IGSF10: variants seen among roughly 807,000 people sequenced by gnomAD.
IGSF10 encodes the protein immunoglobulin superfamily member 10, also known as calvaria mechanical force protein 608.
A neutral mutation model predicts 128.2 loss-of-function variants in IGSF10; 126 were observed. The ratio of observed to expected loss-of-function variants is 0.98; its 90% CI spans 0.85 to 1.14. IGSF10 has a LOEUF of 1.14. Ranked by LOEUF, IGSF10 falls within the 50% of genes most tolerant of loss-of-function variation. The pLI is 0.00. For missense variants in IGSF10, 3,295 were observed against 3,149.8 expected (o/e 1.05, Z -1.10); for synonymous variants, 1,185 against 1,146.2 (o/e 1.03, Z -0.68).
Position 151,447,829 on chromosome 3 carries a change from TCTTA to T in IGSF10, c.2148_2151del (p.Ser716ArgfsTer8), listed in dbSNP as rs138380887. On this transcript the variant is annotated frameshift_variant, in exon 6 of 8. Transcript: ENST00000282466. LOFTEE classifies it high-confidence loss of function. ...AGTGTTAATTCCCGATAGTTGTGCCTCTTACTTGTGCTTGAGGTGTGTTTTCCAA... is the reference window on the plus strand; with the variant it reads ...AGTGTTAATTCCCGATAGTTGTGCCTCTTGTGCTTGAGGTGTGTTTTCCAA... The T allele has an allele frequency of 3.9e-4, 630 of 1,614,146 alleles. 3 individuals carry two copies. In the African/African-American group the frequency reaches 7.6e-3, roughly 20 times the overall value.
upstream of IGSF10, among the ~76,000 whole-genome samples, chr3:151,463,532 T>TTTTTG (rs1560185479): frequency 2.9e-4 from 19 of 65,248 alleles, 2 homozygotes; most frequent in Non-Finnish European, 3.9e-4. Flanking sequence ...GGTTTTTTTT[T>TTTTTG]TTTTTTTTTT....
upstream of IGSF10, among the ~76,000 whole-genome samples, chr3:151,465,426 G>A (rs1006404677): frequency 6.6e-6 from 1 of 152,196 alleles, no homozygotes; most frequent in African/African-American, 2.4e-5. Flanking sequence ...AATGCTCTGT[G>A]TTGCTTTTAT....
chr3:151,445,999 A>C lies in IGSF10; in HGVS notation c.3982T>G (p.Ser1328Ala), dbSNP rs763234993. ...GTTTGGGTTTCATAAGTGATGACAG[A>C]TGCAGGGAAGGTAGGAGTTGTTGCT... Reference protein sequence around the residue: ...IPATTPTFPASVITYETQTER... With the variant: ...IPATTPTFPAAVITYETQTER... The change falls in exon 6 of 8, where the codon TCT (serine) becomes GCT (alanine). Residue 1328 changes from serine (S) to alanine (A), a missense_variant. Ser to Ala is a moderately conservative substitution (Grantham distance 99, BLOSUM62 1). Coordinates refer to ENST00000282466, the MANE Select transcript of IGSF10 (RefSeq NM_178822.5). 2 of 1,614,198 alleles carry C rather than the reference A, an allele frequency of 1.2e-6. No individual in the cohort carries two copies. Among genetic ancestry groups the C allele is most frequent in the South Asian group, 2.2e-5 (2 of 91,088 alleles).
Position 151,436,974 on chromosome 3 carries a change from TC to T in IGSF10, c.7586del (p.Arg2529GlnfsTer62). 6.2e-7 allele frequency: 1 copy of T among 1,614,232 alleles called. No homozygotes were observed. Among genetic ancestry groups the T allele is most frequent in the Non-Finnish European group, 8.5e-7 (1 of 1,180,030 alleles). ...TACTCCTGGGTGGACGATTTGTAAT[TC>T]GGGGAGGGTAGGCTACAATCATTAC... The part of the protein sequence containing the change: ...VPVMIVAYPP[R>X]ITNRPPRSIV... On this transcript the variant is annotated frameshift_variant, in exon 8 of 8. Transcript: ENST00000282466. LOFTEE classifies it low-confidence loss of function (END_TRUNC).
At chr3:151,529,512 CA>C in the IGSF10 span, among the ~76,000 whole-genome samples, 1 of 152,172 alleles carries the variant, frequency 6.6e-6, no homozygotes, top group Non-Finnish European at 1.5e-5. Context: ...GAGGAAGGAA[CA>C]GGCAGCAATC....
the IGSF10 span, among the ~76,000 whole-genome samples, chr3:151,598,410 A>G: frequency 3.3e-5 from 5 of 152,242 alleles, no homozygotes; most frequent in South Asian, 1.0e-3. Flanking sequence ...ATATGGTAGT[A>G]CTGAAATGTT....
At chr3:151,617,259 TCTC>T in the IGSF10 span, among the ~76,000 whole-genome samples, 1 of 76,022 alleles carries the variant, frequency 1.3e-5, no homozygotes, top group East Asian at 4.7e-4. Flanking sequence ...TTCTTCTCCT[TCTC>T]TTCTTCTTCT....
In IGSF10 at chr3:151,437,104, T is replaced by G. The variant is rs141915454; in HGVS notation, c.7457A>C (p.His2486Pro). 6 of 1,614,230 alleles carry G rather than the reference T, an allele frequency of 3.7e-6. No individual in the cohort carries two copies. The Admixed American group carries it at 8.3e-5, about 22-fold the overall frequency. Reference sequence around the variant, plus strand: ...TTTAATGACTAAGGTGCCATTGTCATGCAATATGTATTTCCCATTAATTTG... The same window carrying G: ...TTTAATGACTAAGGTGCCATTGTCAGGCAATATGTATTTCCCATTAATTTG... Reference protein sequence around the residue: ...RPQINGKYILHDNGTLVIKEA... With the variant: ...RPQINGKYILPDNGTLVIKEA... The change falls in exon 8 of 8, where the codon CAT (histidine) becomes CCT (proline). Residue 2486 changes from histidine to proline, a missense_variant. Transcript: ENST00000282466.
At chr3:151,521,299 A>G in the IGSF10 span, among the ~76,000 whole-genome samples, 2 of 151,916 alleles carry the variant, frequency 1.3e-5, no homozygotes, top group African/African-American at 4.8e-5. Context: ...CACTGACAGT[A>G]TTAGATCACC....
intron 1 of IGSF10, 21 bp from the exon 2 acceptor site, chr3:151,460,368 T>TG: frequency 1.2e-6 from 1 of 809,198 alleles, no homozygotes; most frequent in Non-Finnish European, 1.5e-6. Context: ...AAAAGTTCTC[T>TG]GCTCCAAAGT....
chr3:151,579,258 G>GAT, the IGSF10 span, among the ~76,000 whole-genome samples: 1 of 151,902 alleles, frequency 6.6e-6, no homozygotes, highest in Non-Finnish European at 1.5e-5. Flanking sequence ...CCTAATTCTG[G>GAT]ATATAAATAC....
the IGSF10 span, among the ~76,000 whole-genome samples, chr3:151,524,323 G>A: frequency 6.6e-6 from 1 of 152,154 alleles, no homozygotes; most frequent in Admixed American, 6.6e-5. Flanking sequence ...AAAGGCACAG[G>A]GACATGAATG....
chr3:151,439,074 A>G (rs1301912622), intron 7 of IGSF10, among the ~76,000 whole-genome samples: 2 of 152,194 alleles, frequency 1.3e-5, no homozygotes, highest in Non-Finnish European at 1.5e-5. Flanking sequence ...TGGAATTCAA[A>G]TGAATCTCCG....
At chr3:151,508,843 G>A in the IGSF10 span, among the ~76,000 whole-genome samples, 670 of 152,138 alleles carry the variant, frequency 4.4e-3, 7 homozygotes, top group African/African-American at 0.015. Flanking sequence ...TTTAATGAAC[G>A]TTATTATATA....
the IGSF10 span, among the ~76,000 whole-genome samples, chr3:151,495,092 G>T: frequency 6.6e-6 from 1 of 152,072 alleles, no homozygotes; most frequent in Non-Finnish European, 1.5e-5. Flanking sequence ...TTGAAGTTTG[G>T]TTGGAAAATG....
At chr3:151,516,600 G>A in the IGSF10 span, among the ~76,000 whole-genome samples, 4 of 151,944 alleles carry the variant, frequency 2.6e-5, no homozygotes, top group Non-Finnish European at 4.4e-5. Flanking sequence ...CTACATCATG[G>A]GTTGAAGAGA....
At chr3:151,438,790 CAT>C (rs1032734271) in intron 7 of IGSF10, among the ~76,000 whole-genome samples, 193 bp from the exon 8 acceptor site, 1 of 149,238 alleles carries the variant, frequency 6.7e-6, no homozygotes, top group African/African-American at 2.5e-5. Context: ...TATATATACA[CAT>C]ATTTGAGATA....
chr3:151,523,554 A>G, the IGSF10 span, among the ~76,000 whole-genome samples: 4 of 152,184 alleles, frequency 2.6e-5, no homozygotes. Flanking sequence ...GCTGACAAAA[A>G]CAACCAATGG....
intron 3 of IGSF10, among the ~76,000 whole-genome samples, chr3:151,457,736 A>G (rs146214819): frequency 1.7e-4 from 26 of 152,356 alleles, no homozygotes; most frequent in Middle Eastern, 3.4e-3. Context: ...AAATGGATGC[A>G]GTGCTTAACC....
Sources: allele counts gnomAD v4.1 joint callset (sites outside exome capture counted in the v4.1 genomes callset), GRCh38; gene constraint gnomAD v4.1.1; transcripts MANE v1.5; gene names NCBI Gene and HGNC (gene_info 2026-07-23, HGNC 2026-07-21).